LINGO2: variants seen among roughly 807,000 people sequenced by gnomAD.
The protein encoded by LINGO2 is leucine-rich repeat and immunoglobulin-like domain-containing nogo receptor-interacting protein 2.
In LINGO2, 14 loss-of-function variants were observed where a neutral mutation model predicts 30.6. The ratio of observed to expected loss-of-function variants is 0.46; its 90% CI spans 0.30 to 0.72. The LOEUF (loss-of-function observed/expected upper bound fraction) is 0.72, where lower values mean the gene tolerates loss of function less well. LINGO2 is among the 30% of genes least tolerant of loss of function. The pLI is 0.07. For missense variants in LINGO2, 729 were observed against 751.7 expected (o/e 0.97, Z 0.35); for synonymous variants, 317 against 288.5 (o/e 1.10, Z -1.00).
chr9:28,461,852 G>T (rs958297992), intron 2 of LINGO2, among the ~76,000 whole-genome samples: 4 of 152,126 alleles, frequency 2.6e-5, no homozygotes, highest in Non-Finnish European at 5.9e-5. Flanking sequence ...TACAGCAATG[G>T]TGACAGCTCT....
At chr9:28,967,264 A>G in the LINGO2 span, among the ~76,000 whole-genome samples, 1 of 152,072 alleles carries the variant, frequency 6.6e-6, no homozygotes, top group East Asian at 1.9e-4. Flanking sequence ...ACAGTTCCCA[A>G]ATAATTATTT....
intron 4 of LINGO2, among the ~76,000 whole-genome samples, chr9:28,284,054 A>G (rs934600268): frequency 2.0e-5 from 3 of 152,118 alleles, no homozygotes; most frequent in Admixed American, 1.3e-4. Context: ...TCAAATCGTT[A>G]GCCTCTGGCA....
intron 3 of LINGO2, among the ~76,000 whole-genome samples, chr9:28,298,117 A>G (rs1564104146): frequency 6.6e-6 from 1 of 152,174 alleles, no homozygotes; most frequent in Non-Finnish European, 1.5e-5. Context: ...ATGAAAAAAC[A>G]CGCTTCAAAT....
chr9:28,060,661 T>G (rs1056227235), intron 4 of LINGO2, among the ~76,000 whole-genome samples: 7 of 152,260 alleles, frequency 4.6e-5, no homozygotes, highest in Admixed American at 4.6e-4. Flanking sequence ...GCTCCATATG[T>G]AGAGATGGTA....
intron 4 of LINGO2, among the ~76,000 whole-genome samples, chr9:28,125,131 A>G (rs1044204287): frequency 2.6e-5 from 4 of 152,238 alleles, no homozygotes; most frequent in African/African-American, 4.8e-5. Flanking sequence ...TTCTTCAGCA[A>G]AACACTGGGG....
At chr9:28,263,816 G>T (rs1232905033) in intron 4 of LINGO2, among the ~76,000 whole-genome samples, 1 of 151,944 alleles carries the variant, frequency 6.6e-6, no homozygotes, top group Non-Finnish European at 1.5e-5. Flanking sequence ...AGATTAATCA[G>T]TTGGCTAAGA....
At chr9:28,807,256 C>G in the LINGO2 span, among the ~76,000 whole-genome samples, 2 of 151,976 alleles carry the variant, frequency 1.3e-5, no homozygotes, top group African/African-American at 4.8e-5. Flanking sequence ...ATCTCCTGAC[C>G]TTGAGATCTG....
At chr9:28,688,206 C>A in the LINGO2 span, among the ~76,000 whole-genome samples, 5 of 152,040 alleles carry the variant, frequency 3.3e-5, no homozygotes, top group Admixed American at 2.0e-4. Context: ...TCACAATGAC[C>A]CCATTAAACT....
intron 3 of LINGO2, among the ~76,000 whole-genome samples, chr9:28,368,642 G>A (rs9632890): frequency 0.28 from 41,251 of 148,086 alleles, 6,241 homozygotes; most frequent in African/African-American, 0.39. Flanking sequence ...TGTAGCCCAG[G>A]TTGGAGTGCA....
chr9:28,734,117 A>C, the LINGO2 span, among the ~76,000 whole-genome samples: 1 of 152,144 alleles, frequency 6.6e-6, no homozygotes, highest in East Asian at 1.9e-4. Flanking sequence ...CAAATTAGAC[A>C]CAGTAAATAA....
At chr9:28,194,692 AAAAG>A (rs1819947820) in intron 4 of LINGO2, among the ~76,000 whole-genome samples, 1 of 151,980 alleles carries the variant, frequency 6.6e-6, no homozygotes, top group Non-Finnish European at 1.5e-5. Context: ...AGAAATCAGG[AAAAG>A]AAAGAAAAAA....
intron 1 of LINGO2, among the ~76,000 whole-genome samples, chr9:28,513,385 C>G (rs1045625753): frequency 6.6e-6 from 1 of 152,260 alleles, no homozygotes; most frequent in Admixed American, 6.5e-5. Flanking sequence ...TATCTGAAAT[C>G]TACATTGTTT....
chr9:29,012,908 T>G, the LINGO2 span, among the ~76,000 whole-genome samples: 3 of 152,220 alleles, frequency 2.0e-5, no homozygotes, highest in Non-Finnish European at 4.4e-5. Context: ...GAAAAAGTTC[T>G]TTTCTATTAG....
At chr9:28,513,834 G>A (rs915021807) in intron 1 of LINGO2, among the ~76,000 whole-genome samples, 2 of 152,222 alleles carry the variant, frequency 1.3e-5, no homozygotes, top group African/African-American at 4.8e-5. Context: ...GTGAATGTAT[G>A]TATAGTAAAA....
intron 4 of LINGO2, among the ~76,000 whole-genome samples, chr9:28,216,592 G>A (rs554048658): frequency 1.3e-5 from 2 of 151,960 alleles, no homozygotes; most frequent in South Asian, 4.1e-4. Context: ...TGCAAATGAA[G>A]CAAAACTATT....
At chr9:28,527,487 C>A (rs1821079718) in intron 1 of LINGO2, among the ~76,000 whole-genome samples, 1 of 152,090 alleles carries the variant, frequency 6.6e-6, no homozygotes. Context: ...AAATGGCCTC[C>A]CATTCCTGCT....
At chr9:28,722,457 C>G in the LINGO2 span, among the ~76,000 whole-genome samples, 1 of 152,038 alleles carries the variant, frequency 6.6e-6, no homozygotes, top group African/African-American at 2.4e-5. Context: ...TTCTCATAAC[C>G]ATACCCAATG....
At chr9:28,023,643 T>A (rs7046092) in intron 4 of LINGO2, among the ~76,000 whole-genome samples, 105,041 of 152,044 alleles carry the variant, frequency 0.69, 37,133 homozygotes, top group Admixed American at 0.8. Context: ...CAGAGAAATA[T>A]ATCTTTCTCC....
chr9:28,884,022 T>C, the LINGO2 span, among the ~76,000 whole-genome samples: 1 of 152,040 alleles, frequency 6.6e-6, no homozygotes, highest in Non-Finnish European at 1.5e-5. Context: ...ACTTATTATA[T>C]ATTAAATCAT....
Sources: gnomAD v4.1 joint callset for allele counts (sites outside exome capture counted in the v4.1 genomes callset) on GRCh38, gnomAD v4.1.1 for gene constraint, MANE v1.5 for transcripts, NCBI Gene and HGNC (gene_info 2026-07-23, HGNC 2026-07-21) for gene names.